Variants in SASH1 observed in about 807,000 individuals in gnomAD.
SASH1 encodes the protein SAM and SH3 domain-containing protein 1.
A neutral mutation model predicts 125.2 loss-of-function variants in SASH1; 44 were observed. That is an observed-to-expected ratio of 0.35 (90% CI 0.28 to 0.45). The LOEUF is 0.45. Among genes scored for constraint, SASH1 ranks in the 20% least tolerant of loss-of-function variants. The pLI, the probability that SASH1 is intolerant of heterozygous loss-of-function variation, is 1.00. For synonymous variants in SASH1, 639 were observed against 649.1 expected, an observed-to-expected ratio of 0.98 and a Z score of 0.24; for missense variants, 1,426 against 1,614.5, an observed-to-expected ratio of 0.88 and a Z score of 2.00.
rs151076465 is a variant in SASH1 at position 148,284,912 on chromosome 6, A to C, written n.74+12535A>C. 1.4e-3 allele frequency among the ~76,000 whole-genome samples: 207 copies of C among 152,326 alleles called. 1 individual carries two copies. Among genetic ancestry groups the C allele is most frequent in the African/African-American group, 4.7e-3 (196 of 41,580 alleles). On this transcript the variant is annotated intron_variant and non_coding_transcript_variant, in intron 1 of 3. Transcript: ENST00000367469. Reference sequence around the variant, plus strand: ...AAAGGGTATGAACGTTTTTAAGGCCAAATAAATCTTTTTAAAGACAGATTT... The same window carrying C: ...AAAGGGTATGAACGTTTTTAAGGCCCAATAAATCTTTTTAAAGACAGATTT...
chr6:148,215,022 G>A, the SASH1 span, among the ~76,000 whole-genome samples: 2 of 152,110 alleles, frequency 1.3e-5, no homozygotes, highest in Admixed American at 1.3e-4. Flanking sequence ...TGGCGGGCTC[G>A]TTCCTATCAC....
At chr6:148,197,827 G>A in the SASH1 span, among the ~76,000 whole-genome samples, 1 of 152,222 alleles carries the variant, frequency 6.6e-6, no homozygotes, top group Non-Finnish European at 1.5e-5. Context: ...TAATGAGTGA[G>A]TTCTCACAAG....
At chr6:148,226,286 A>G in the SASH1 span, among the ~76,000 whole-genome samples, 3 of 152,184 alleles carry the variant, frequency 2.0e-5, no homozygotes, top group Admixed American at 6.5e-5. Context: ...TACTTAATGG[A>G]TTGATTTTTT....
chr6:148,298,165 C>T (rs903592426), intron 1 of SASH1, among the ~76,000 whole-genome samples: 2 of 151,396 alleles, frequency 1.3e-5, no homozygotes, highest in South Asian at 4.2e-4. Flanking sequence ...CACCATTATG[C>T]CCAGCTAATT....
intron 1 of SASH1, among the ~76,000 whole-genome samples, chr6:148,353,510 C>G (rs149455948): frequency 0.019 from 2,799 of 144,672 alleles, 93 homozygotes; most frequent in African/African-American, 0.067. Context: ...TCTCGGCTCA[C>G]TGCAACCTCT....
intron 1 of SASH1, among the ~76,000 whole-genome samples, chr6:148,298,910 A>T (rs1779857657): frequency 6.6e-6 from 1 of 151,986 alleles, no homozygotes; most frequent in Non-Finnish European, 1.5e-5. Context: ...GAAAGGAAGG[A>T]AGGAAGGAAA....
chr6:148,548,131 A>G (rs1308409234), intron 19 of SASH1, among the ~76,000 whole-genome samples, 164 bp from the exon 20 acceptor site: 1 of 152,206 alleles, frequency 6.6e-6, no homozygotes, highest in East Asian at 1.9e-4. Context: ...ATCTTAGAGA[A>G]GAATTTTTCC....
chr6:148,543,977 G>A lies in SASH1; in HGVS notation c.2507G>A (p.Arg836Gln), dbSNP rs750280402. Reference sequence around the variant, plus strand: ...CCCCAGACTGTGGACACTTGGCCCCGATCCCATTCCCTGGATGACCTTCAA... The same window carrying A: ...CCCCAGACTGTGGACACTTGGCCCCAATCCCATTCCCTGGATGACCTTCAA... Reference protein sequence around the residue: ...EGPQTVDTWPRSHSLDDLQVE... With the variant: ...EGPQTVDTWPQSHSLDDLQVE... The change falls in exon 18 of 20, where the codon CGA (arginine) becomes CAA (glutamine). Residue 836 changes from arginine (R) to glutamine (Q), a missense_variant. By Grantham distance (43) the Arg-to-Gln change is conservative (BLOSUM62 1). Around this residue, in one of 3 missense-constraint regions of SASH1, gnomAD observed 634 missense variants for 694.4 expected, o/e 0.91. Coordinates refer to ENST00000367467, the MANE Select transcript of SASH1 (RefSeq NM_015278.5). 42 of 1,613,970 alleles carry A rather than the reference G, an allele frequency of 2.6e-5. No individual in the cohort carries two copies. The highest frequency in any genetic ancestry group is 3.2e-5 in the Non-Finnish European group (38 of 1,180,026).
In SASH1 at chr6:148,487,592, T is replaced by C. The variant is rs1404047224; in HGVS notation, c.628-22T>C. 15 of 1,572,842 alleles carry C rather than the reference T, an allele frequency of 9.5e-6. No individual in the cohort carries two copies. The East Asian group carries it at 3.2e-4, about 33-fold the overall frequency. ...TGTCTGGCCATTCTTTCCATTTCAGTATCCATTTCTTCTTGTTACAGCTCA... is the reference window on the plus strand; with the variant it reads ...TGTCTGGCCATTCTTTCCATTTCAGCATCCATTTCTTCTTGTTACAGCTCA... On this transcript the variant is annotated intron_variant, in intron 7 of 19. Transcript: ENST00000367467.
chr6:148,538,454 A>G (rs944461210), intron 16 of SASH1, among the ~76,000 whole-genome samples: 5 of 152,244 alleles, frequency 3.3e-5, no homozygotes, highest in Non-Finnish European at 5.9e-5. Flanking sequence ...CTGCAAAGCC[A>G]CAGGCTCTTC....
intron 7 of SASH1, among the ~76,000 whole-genome samples, chr6:148,487,112 C>T (rs9390575): frequency 0.042 from 5,067 of 120,524 alleles, 179 homozygotes; most frequent in Admixed American, 0.071. Flanking sequence ...CACACACACA[C>T]ATATATATAT....
chr6:148,255,736 AG>A, the SASH1 span, among the ~76,000 whole-genome samples: 1 of 151,844 alleles, frequency 6.6e-6, no homozygotes, highest in Non-Finnish European at 1.5e-5. Flanking sequence ...TCCATATCCT[AG>A]GCTCAGGTGA....
upstream of SASH1, among the ~76,000 whole-genome samples, chr6:148,338,055 T>TCTATCCCCATCTTCA (rs554823233): frequency 6.6e-6 from 1 of 151,752 alleles, no homozygotes; most frequent in Non-Finnish European, 1.5e-5. Context: ...TTCAATGGAA[T>TCTATCCCCATCTTCA]ATCTACACTT....
chr6:148,491,982 T>C (rs1485041373), intron 8 of SASH1, among the ~76,000 whole-genome samples: 1 of 152,160 alleles, frequency 6.6e-6, no homozygotes, highest in Non-Finnish European at 1.5e-5. Flanking sequence ...TAAAGGATCA[T>C]GAGAAATAAA....
Position 148,519,836 on chromosome 6 carries a change from G to A in SASH1, c.1152G>A (p.Val384=), listed in dbSNP as rs371718626. The A allele has an allele frequency of 3.7e-6, 6 of 1,610,394 alleles. No individual in the cohort carries two copies. The highest frequency in any genetic ancestry group is 5.1e-6 in the Non-Finnish European group (6 of 1,178,624). Residue 384 remains valine, a synonymous_variant, in exon 10 of 20, where the codon GTG becomes GTA. Transcript: ENST00000367467. The surrounding 1 kb of genome is among the most constrained non-coding windows in gnomAD (Gnocchi z 4.8). ...SYPEEEKAQK[V]SRSLTEGEMK... The stretch of plus-strand genomic sequence containing the variant: ...CAGAAGAAGAAAAGGCCCAGAAAGT[G>A]TCCCGCTCCCTCACCGAGGGGGAGA...
rs191775548 is a variant in SASH1 at position 148,331,393 on chromosome 6, G to A, written n.75-58741G>A. ...CACCCAGGCTGGGGTGCAATGGCAC[G>A]GTCTTGGCTCACTGCAACCTCTGCC... On this transcript the variant is annotated intron_variant and non_coding_transcript_variant, in intron 1 of 3. Transcript: ENST00000367469. 5.3e-5 allele frequency among the ~76,000 whole-genome samples: 8 copies of A among 152,206 alleles called. No individual in the cohort carries two copies. The East Asian group carries it at 5.8e-4, about 11-fold the overall frequency.
At chr6:148,197,235 C>T in the SASH1 span, among the ~76,000 whole-genome samples, 1 of 152,120 alleles carries the variant, frequency 6.6e-6, no homozygotes, top group Non-Finnish European at 1.5e-5. Flanking sequence ...TGGTCCCAGA[C>T]CAGTGTGGTA....
At chr6:148,211,831 C>CTGCCACCA in the SASH1 span, among the ~76,000 whole-genome samples, 1 of 152,188 alleles carries the variant, frequency 6.6e-6, no homozygotes, top group Non-Finnish European at 1.5e-5. Context: ...CCTGTCGTGA[C>CTGCCACCA]TGCCACCATG....
At position 148,438,738 on chromosome 6, in the gene SASH1, A is replaced by C. The variant is rs1419646134; in HGVS notation, c.286-1446A>C. On this transcript the variant is annotated intron_variant, in intron 2 of 19. Coordinates refer to ENST00000367467, the MANE Select transcript of SASH1 (RefSeq NM_015278.5). The stretch of plus-strand genomic sequence containing the variant: ...TTTTCATTGTGGCAAAAAAAAAAAA[A>C]AAAAAAAACCAAAACAAACAAAAAA... Among the ~76,000 whole-genome samples, 3 of 135,570 alleles carry C rather than the reference A, an allele frequency of 2.2e-5. No homozygotes were observed. In the East Asian group the frequency reaches 6.4e-4, roughly 29 times the overall value. 88.9% of individuals were successfully genotyped at this position (135,570 alleles called of 152,430 possible).
Sources: gnomAD v4.1 joint callset for allele counts (sites outside exome capture counted in the v4.1 genomes callset) on GRCh38, gnomAD v4.1.1 for gene constraint, gnomAD v4.1.1 regional missense constraint, Gnocchi (gnomAD v3.1) non-coding constraint, MANE v1.5 for transcripts, NCBI Gene and HGNC (gene_info 2026-07-23, HGNC 2026-07-21) for gene names.